DNAH11: variants seen among roughly 807,000 people sequenced by gnomAD.
DNAH11 encodes the protein dynein axonemal heavy chain 11.
Under a neutral mutation model 526.0 loss-of-function variants are expected in DNAH11, and 442 were observed. The observed-to-expected ratio is 0.84, with a 90% CI of 0.78 to 0.91. The LOEUF is 0.91. Ranked by LOEUF, DNAH11 falls within the 40% of genes least tolerant of loss-of-function variation. The pLI, the probability that DNAH11 is intolerant of heterozygous loss-of-function variation, is 0.00. For synonymous variants in DNAH11, 2,461 were observed against 1,935.9 expected, an observed-to-expected ratio of 1.27 and a Z score of -7.12; for missense variants, 6,989 against 5,448.7, an observed-to-expected ratio of 1.28 and a Z score of -8.90.
chr7:21,829,622 T>C (rs557695510), intron 65 of DNAH11, among the ~76,000 whole-genome samples: 1 of 152,220 alleles, frequency 6.6e-6, no homozygotes, highest in South Asian at 2.1e-4. Flanking sequence ...ACTCAGAGTA[T>C]CTGATAGCTA....
Position 21,807,958 on chromosome 7 carries a change from C to G in DNAH11, c.10241C>G (p.Thr3414Arg). 6.2e-7 allele frequency: 1 copy of G among 1,608,458 alleles called. No individual in the cohort carries two copies. The highest frequency in any genetic ancestry group is 1.3e-5 in the African/African-American group (1 of 74,998). The change falls in exon 63 of 82, where the codon ACG (threonine) becomes AGG (arginine). Residue 3414 changes from threonine (T) to arginine (R), a missense_variant. By Grantham distance (71) the Thr-to-Arg change is moderately conservative. Coordinates refer to ENST00000409508, the MANE Select transcript of DNAH11 (RefSeq NM_001277115.2). ...EKTLCGDVLLTAAFVSYVGPF... is the reference protein window; with the variant it reads ...EKTLCGDVLLRAAFVSYVGPF... Reference sequence around the variant, plus strand: ...ACACTCTGTGGAGATGTTCTTCTCACGGCGGCATTTGTGTCTTACGTCGGA... The same window carrying G: ...ACACTCTGTGGAGATGTTCTTCTCAGGGCGGCATTTGTGTCTTACGTCGGA...
intron 32 of DNAH11, among the ~76,000 whole-genome samples, chr7:21,685,203 A>C (rs1209408795): frequency 6.6e-6 from 1 of 152,204 alleles, no homozygotes; most frequent in Non-Finnish European, 1.5e-5. Flanking sequence ...AGTGAGAGGG[A>C]TTAAAATTGT....
At chr7:21,767,057 CAAAT>C (rs1787214952) in intron 55 of DNAH11, among the ~76,000 whole-genome samples, 1 of 152,160 alleles carries the variant, frequency 6.6e-6, no homozygotes, top group African/African-American at 2.4e-5. Flanking sequence ...TTAAATGTGA[CAAAT>C]AATTGTCATA....
At chr7:21,653,406 G>T (rs1056566800) in intron 28 of DNAH11, among the ~76,000 whole-genome samples, 2 of 152,102 alleles carry the variant, frequency 1.3e-5, no homozygotes, top group African/African-American at 4.8e-5. Flanking sequence ...TAAGAAATAG[G>T]AGAACTCTGC....
intron 74 of DNAH11, among the ~76,000 whole-genome samples, chr7:21,874,085 C>G (rs150159866): frequency 6.6e-6 from 1 of 151,842 alleles, no homozygotes; most frequent in Admixed American, 6.6e-5. Context: ...GCCACCGCGC[C>G]TGGCCGGAAC....
chr7:21,730,415 A>G (rs1393154276), intron 45 of DNAH11, among the ~76,000 whole-genome samples: 2 of 152,248 alleles, frequency 1.3e-5, no homozygotes, highest in Non-Finnish European at 2.9e-5. Context: ...TCAACCAGTA[A>G]GTATAATGCA....
chr7:21,591,694 A>G (rs1433269288), intron 14 of DNAH11, 117 bp downstream of exon 14: 1 of 1,104,886 alleles, frequency 9.1e-7, no homozygotes, highest in Non-Finnish European at 1.2e-6. Context: ...AGCTTTATGA[A>G]TGGTATTATT....
At chr7:21,900,144 G>T (rs756584378) in intron 81 of DNAH11, 24 bp downstream of exon 81, 2 of 1,588,592 alleles carry the variant, frequency 1.3e-6, no homozygotes, top group African/African-American at 1.4e-5. Context: ...AGGGGTAAGT[G>T]GGGAACCTTT....
chr7:21,703,887 G>A (rs1784156124), intron 37 of DNAH11: 1 of 151,938 alleles, frequency 6.6e-6, no homozygotes, highest in Non-Finnish European at 1.5e-5. Context: ...TTTAGTACTA[G>A]GTCAAGATTT....
Position 21,702,803 on chromosome 7 carries a change from G to T in DNAH11, c.6273+1G>T. The T allele has an allele frequency of 6.2e-7, 1 of 1,611,110 alleles. No homozygotes were observed. The highest frequency in any genetic ancestry group is 8.5e-7 in the Non-Finnish European group (1 of 1,178,204). On this transcript the variant is annotated splice_donor_variant, in intron 37 of 81. Coordinates refer to ENST00000409508, the MANE Select transcript of DNAH11 (RefSeq NM_001277115.2). LOFTEE classifies it high-confidence loss of function. ...AGATAAAAATAGACCCGAAGATCAG[G>T]TACTGCAATGCTAATATGATTTTGT...
chr7:21,784,060 A>C (rs1788070634), intron 57 of DNAH11, among the ~76,000 whole-genome samples: 1 of 152,226 alleles, frequency 6.6e-6, no homozygotes, highest in African/African-American at 2.4e-5. Flanking sequence ...TAGGTTACTA[A>C]GCTAGCCCAG....
rs899054221 is a variant in DNAH11 at position 21,543,520 on chromosome 7, A to G, written c.275A>G (p.Glu92Gly). 1 of 1,609,574 alleles carries G rather than the reference A, an allele frequency of 6.2e-7. No individual in the cohort carries two copies. Among genetic ancestry groups the G allele is most frequent in the African/African-American group, 1.3e-5 (1 of 74,954 alleles). ...ESEDNRQVLG[E>G]FLESTSPACL... Reference sequence around the variant, plus strand: ...GAGGACAACCGGCAGGTTCTTGGGGAGTTTCTGGAAAGCACCAGCCCGGCT... The same window carrying G: ...GAGGACAACCGGCAGGTTCTTGGGGGGTTTCTGGAAAGCACCAGCCCGGCT... The change falls in exon 1 of 82, where the codon GAG (glutamate) becomes GGG (glycine). Residue 92 changes from glutamate to glycine, a missense_variant. By Grantham distance (98) the Glu-to-Gly change is moderately conservative. Transcript: ENST00000409508.
intron 65 of DNAH11, among the ~76,000 whole-genome samples, chr7:21,831,792 A>C (rs975774851): frequency 1.3e-5 from 2 of 152,172 alleles, no homozygotes; most frequent in African/African-American, 4.8e-5. Context: ...ACATTTAACC[A>C]GTTAAAAGCT....
rs748144821 is a variant in DNAH11 at position 21,687,534 on chromosome 7, G to C, written c.5924+7G>C. The C allele has an allele frequency of 6.2e-7, 1 of 1,611,980 alleles. No individual in the cohort carries two copies. Among genetic ancestry groups the C allele is most frequent in the South Asian group, 1.1e-5 (1 of 90,556 alleles). On this transcript the variant is annotated splice_region_variant and intron_variant, in intron 34 of 81. Coordinates refer to ENST00000409508, the MANE Select transcript of DNAH11 (RefSeq NM_001277115.2). ...TCAGAAACAGGAAGAAGAGGTGAGTGGCATGCAGGCTATCTCTTGTTACAA... is the reference window on the plus strand; with the variant it reads ...TCAGAAACAGGAAGAAGAGGTGAGTCGCATGCAGGCTATCTCTTGTTACAA...
chr7:21,591,965 G>T (rs1392591395), intron 14 of DNAH11, among the ~76,000 whole-genome samples: 1 of 152,062 alleles, frequency 6.6e-6, no homozygotes, highest in Non-Finnish European at 1.5e-5. Flanking sequence ...TCTCCTAAGG[G>T]TGGCAACAAT....
chr7:21,654,956 T>C (rs528862876), intron 28 of DNAH11, among the ~76,000 whole-genome samples: 2 of 152,320 alleles, frequency 1.3e-5, no homozygotes, highest in South Asian at 4.1e-4. Context: ...ATAAGTGTTG[T>C]TCATTCTGGG....
intron 65 of DNAH11, among the ~76,000 whole-genome samples, chr7:21,828,201 G>C (rs967673276): frequency 6.6e-6 from 1 of 152,064 alleles, no homozygotes; most frequent in Admixed American, 6.5e-5. Flanking sequence ...CACCCTCCTC[G>C]GTCTCCCAAA....
intron 54 of DNAH11, among the ~76,000 whole-genome samples, chr7:21,754,620 C>T (rs1280550260): frequency 6.6e-6 from 1 of 151,638 alleles, no homozygotes; most frequent in Non-Finnish European, 1.5e-5. Flanking sequence ...CTCTTCCCTA[C>T]TAAAATGAGT....
rs567620207 is a variant in DNAH11 at position 21,719,609 on chromosome 7, GT to G, written c.7135-1109del. Reference sequence around the variant, plus strand: ...GTTTTTCTTAATAGCAAATTGGTGAGTTTTTTTCTATTAAAAGATTATTTCA... The same window carrying G: ...GTTTTTCTTAATAGCAAATTGGTGAGTTTTTTCTATTAAAAGATTATTTCA... On this transcript the variant is annotated intron_variant, in intron 43 of 81. Transcript: ENST00000409508. 5.3e-5 allele frequency among the ~76,000 whole-genome samples: 8 copies of G among 152,232 alleles called. No homozygotes were observed. In the East Asian group the frequency reaches 5.8e-4, roughly 11 times the overall value.
Sources: allele counts gnomAD v4.1 joint callset (sites outside exome capture counted in the v4.1 genomes callset), GRCh38; gene constraint gnomAD v4.1.1; transcripts MANE v1.5; gene names NCBI Gene and HGNC (gene_info 2026-07-23, HGNC 2026-07-21).